The following CALCR variants were observed in gnomAD, a reference collection of about 807,000 sequenced individuals.
CALCR encodes calcitonin receptor.
CALCR carries 47 observed loss-of-function variants against 59.5 expected under a neutral mutation model. The observed-to-expected ratio is 0.79, with a 90% CI of 0.63 to 1.01. The LOEUF (loss-of-function observed/expected upper bound fraction) is 1.01. Among genes scored for constraint, CALCR ranks in the 50% least tolerant of loss-of-function variants. The probability of loss-of-function intolerance (pLI) is 0.00; values close to 1 mark genes in which losing one functional copy is unlikely to be tolerated. For missense variants in CALCR, 566 were observed against 597.1 expected, an observed-to-expected ratio of 0.95 and a Z score of 0.54; for synonymous variants, 213 against 211.3, an observed-to-expected ratio of 1.01 and a Z score of -0.07.
Position 93,472,432 on chromosome 7 carries a change from G to C in CALCR, c.372C>G (p.Asn124Lys). The C allele has an allele frequency of 1.2e-6, 2 of 1,610,694 alleles. No individual in the cohort carries two copies. Among genetic ancestry groups the C allele is most frequent in the Non-Finnish European group, 1.7e-6 (2 of 1,177,756 alleles). The change falls in exon 6 of 14, where the codon AAC becomes AAG. Residue 124 changes from asparagine to lysine, a missense_variant. Transcript: ENST00000426151. Reference sequence around the variant, plus strand: ...TAGTATAGTTGGACCAGGTTCGATTGTTTTCAGGATGTTTAAACCAAACAC... The same window carrying C: ...TAGTATAGTTGGACCAGGTTCGATTCTTTTCAGGATGTTTAAACCAAACAC... ...EKGVWFKHPENNRTWSNYTMC... is the reference protein window; with the variant it reads ...EKGVWFKHPEKNRTWSNYTMC...
intron 2 of CALCR, chr7:93,495,962 G>T: frequency 6.6e-7 from 1 of 1,509,796 alleles, no homozygotes; most frequent in Non-Finnish European, 8.8e-7. Context: ...TGGATCAGTG[G>T]GAATCATTTA....
chr7:93,487,624 A>G (rs903736098), intron 2 of CALCR, among the ~76,000 whole-genome samples: 1 of 151,518 alleles, frequency 6.6e-6, no homozygotes, highest in Non-Finnish European at 1.5e-5. Flanking sequence ...CTGCTTAGTC[A>G]CAAATATCAA....
intron 7 of CALCR, among the ~76,000 whole-genome samples, chr7:93,462,449 A>G (rs1800356691): frequency 6.6e-6 from 1 of 152,110 alleles, no homozygotes; most frequent in African/African-American, 2.4e-5. Context: ...CAAAAAAATT[A>G]CTTATGTGAA....
chr7:93,496,190 G>A (rs1801199063), intron 2 of CALCR, among the ~76,000 whole-genome samples: 1 of 151,468 alleles, frequency 6.6e-6, no homozygotes, highest in South Asian at 2.1e-4. Flanking sequence ...AATCCCATGA[G>A]AAGCAGCATA....
At chr7:93,507,542 A>G (rs1272505443) in intron 2 of CALCR, among the ~76,000 whole-genome samples, 1 of 151,310 alleles carries the variant, frequency 6.6e-6, no homozygotes, top group Non-Finnish European at 1.5e-5. Flanking sequence ...AAAGCAGAAG[A>G]AACCAAAGAA....
At chr7:93,558,393 A>T (rs1417436666) in intron 2 of CALCR, among the ~76,000 whole-genome samples, 1 of 152,050 alleles carries the variant, frequency 6.6e-6, no homozygotes, top group African/African-American at 2.4e-5. Context: ...TTAAAATGAC[A>T]TTATTTACTC....
chr7:93,492,842 A>G (rs2115964171), intron 2 of CALCR, among the ~76,000 whole-genome samples: 1 of 151,466 alleles, frequency 6.6e-6, no homozygotes, highest in South Asian at 2.1e-4. Flanking sequence ...GAAAACCTGA[A>G]TAGGGTTTTG....
At position 93,467,964 on chromosome 7, in the gene CALCR, G is replaced by T. The variant is rs141629210; in HGVS notation, c.521+751C>A. On this transcript the variant is annotated intron_variant, in intron 7 of 13. Coordinates refer to ENST00000426151, the MANE Select transcript of CALCR (RefSeq NM_001742.4). ...TGTCTAAAAAAAAAATACACATACAGTTTACTCTGAATCTACATTTGTGAA... is the reference window on the plus strand; with the variant it reads ...TGTCTAAAAAAAAAATACACATACATTTTACTCTGAATCTACATTTGTGAA... Among the ~76,000 whole-genome samples the T allele has an allele frequency of 2.6e-3, 393 of 151,500 alleles. 3 individuals carry two copies. The highest frequency in any genetic ancestry group is 8.5e-3 in the African/African-American group (350 of 41,408).
chr7:93,460,775 T>C lies in CALCR; in HGVS notation c.648+46A>G, dbSNP rs761856746. 5 of 1,464,440 alleles carry C rather than the reference T, an allele frequency of 3.4e-6. No homozygotes were observed. The South Asian group carries it at 5.2e-5, about 15-fold the overall frequency. 90.7% of individuals were successfully genotyped at this position (1,464,440 alleles called of 1,614,324 possible). On this transcript the variant is annotated intron_variant, in intron 8 of 13. Transcript: ENST00000426151. The stretch of plus-strand genomic sequence containing the variant: ...CACCATGTTCACTATTTACAGGTAC[T>C]ATATCCTTTAAAATAAAAGTAAAAA...
chr7:93,487,271 A>C (rs1800966760), intron 2 of CALCR, among the ~76,000 whole-genome samples: 1 of 151,444 alleles, frequency 6.6e-6, no homozygotes. Flanking sequence ...ACAGAAATAA[A>C]GACATTCCAA....
intron 2 of CALCR, among the ~76,000 whole-genome samples, chr7:93,543,317 G>A (rs1015767668): frequency 1.3e-5 from 2 of 152,028 alleles, no homozygotes; most frequent in Non-Finnish European, 2.9e-5. Flanking sequence ...GCTAATTTTT[G>A]TACTTTTAGT....
chr7:93,520,727 A>T (rs1011414454), intron 2 of CALCR, among the ~76,000 whole-genome samples: 7 of 152,186 alleles, frequency 4.6e-5, no homozygotes, highest in African/African-American at 1.7e-4. Context: ...TTTCTTCTAT[A>T]GAAATTGTCT....
intron 2 of CALCR, among the ~76,000 whole-genome samples, chr7:93,564,551 C>G (rs2374646): frequency 0.35 from 53,216 of 151,932 alleles, 12,192 homozygotes; most frequent in African/African-American, 0.65. Flanking sequence ...CTCCCGGGTT[C>G]AAGCGATTCT....
chr7:93,491,915 G>T (rs1277750565), intron 2 of CALCR, among the ~76,000 whole-genome samples: 2 of 151,770 alleles, frequency 1.3e-5, no homozygotes, highest in African/African-American at 4.8e-5. Context: ...ATACCCAAAG[G>T]AATGCAAATC....
intron 2 of CALCR, among the ~76,000 whole-genome samples, chr7:93,531,688 T>C (rs1262363982): frequency 6.6e-6 from 1 of 152,116 alleles, no homozygotes; most frequent in African/African-American, 2.4e-5. Context: ...TTCATCCTTA[T>C]ACTAGTTTCC....
At chr7:93,446,111 A>G (rs1038419699) in intron 8 of CALCR, among the ~76,000 whole-genome samples, 4 of 152,002 alleles carry the variant, frequency 2.6e-5, no homozygotes, top group African/African-American at 9.7e-5. Context: ...CAAACAATTT[A>G]TAGGAAAAGA....
intron 2 of CALCR, among the ~76,000 whole-genome samples, chr7:93,495,036 G>A (rs1213325108): frequency 3.3e-5 from 5 of 151,328 alleles, no homozygotes; most frequent in Non-Finnish European, 7.4e-5. Flanking sequence ...CAAGATTCCA[G>A]GTGATATTGT....
intron 5 of CALCR, among the ~76,000 whole-genome samples, chr7:93,475,427 T>C (rs1800646516): frequency 6.6e-6 from 1 of 151,842 alleles, no homozygotes; most frequent in African/African-American, 2.4e-5. Context: ...AAAAAATTGA[T>C]GTTGAAAATT....
intron 11 of CALCR, 28 bp downstream of exon 11, chr7:93,438,032 A>C: frequency 6.4e-7 from 1 of 1,560,598 alleles, no homozygotes; most frequent in Non-Finnish European, 8.8e-7. Context: ...TAATACTACT[A>C]ATATTGCAAT....
Sources: gnomAD v4.1 joint callset for allele counts (sites outside exome capture counted in the v4.1 genomes callset) on GRCh38, gnomAD v4.1.1 for gene constraint, MANE v1.5 for transcripts, NCBI Gene and HGNC (gene_info 2026-07-23, HGNC 2026-07-21) for gene names.